Variants in RANBP2 observed in about 807,000 individuals in gnomAD.
The protein encoded by RANBP2 is RAN binding protein 2.
A neutral mutation model predicts 303.6 loss-of-function variants in RANBP2; 57 were observed. The observed-to-expected ratio is 0.19, with a 90% CI of 0.15 to 0.23. RANBP2 has a LOEUF of 0.23. Among genes scored for constraint, RANBP2 ranks in the 10% least tolerant of loss-of-function variants. The pLI is 1.00. For missense variants in RANBP2, 3,138 were observed against 3,780.8 expected (o/e 0.83, Z 4.46); for synonymous variants, 1,167 against 1,301.5 (o/e 0.90, Z 2.23).
chr2:108,930,555 C>T, the RANBP2 span, among the ~76,000 whole-genome samples: 4 of 152,134 alleles, frequency 2.6e-5, no homozygotes, highest in South Asian at 2.1e-4. Flanking sequence ...ATGGAGGAGG[C>T]GCCCCTGTCC....
the RANBP2 span, among the ~76,000 whole-genome samples, chr2:109,709,312 T>TAAAATA: frequency 1.1e-5 from 1 of 90,898 alleles, no homozygotes; most frequent in East Asian, 2.6e-4. Flanking sequence ...GTCTCAAAAA[T>TAAAATA]AAAATAAAAT....
chr2:109,495,128 G>C, the RANBP2 span, among the ~76,000 whole-genome samples: 1 of 152,222 alleles, frequency 6.6e-6, no homozygotes, highest in Non-Finnish European at 1.5e-5. Flanking sequence ...CTCATCTTTA[G>C]GTGTCTGGCA....
chr2:109,658,180 G>C, the RANBP2 span, among the ~76,000 whole-genome samples: 1 of 151,768 alleles, frequency 6.6e-6, no homozygotes, highest in Non-Finnish European at 1.5e-5. Flanking sequence ...CGGGGCGGTG[G>C]CTCATGCCTG....
the RANBP2 span, among the ~76,000 whole-genome samples, chr2:109,277,310 T>C: frequency 5.3e-5 from 8 of 152,194 alleles, no homozygotes. Flanking sequence ...GGTTTGCAGA[T>C]GATGGTTTGA....
chr2:108,847,269 A>G, the RANBP2 span, among the ~76,000 whole-genome samples: 35 of 152,358 alleles, frequency 2.3e-4, no homozygotes, highest in African/African-American at 8.4e-4. Flanking sequence ...GTCCATGGGC[A>G]AAATCTGGCC....
the RANBP2 span, among the ~76,000 whole-genome samples, chr2:109,632,258 A>T: frequency 6.6e-6 from 1 of 152,156 alleles, no homozygotes. Flanking sequence ...CACTTTCCTG[A>T]GTCTGCCAGT....
chr2:109,496,988 C>T, the RANBP2 span, among the ~76,000 whole-genome samples: 18 of 152,294 alleles, frequency 1.2e-4, no homozygotes, highest in East Asian at 3.3e-3. Flanking sequence ...GGGATGAAGG[C>T]AGCTTCTAGC....
At chr2:109,334,403 C>T in the RANBP2 span, among the ~76,000 whole-genome samples, 1 of 150,390 alleles carries the variant, frequency 6.6e-6, no homozygotes, top group South Asian at 2.1e-4. Context: ...AAGACCACCT[C>T]ATCATCAGGG....
At chr2:109,091,847 ACCTCATGGTGGGGTGTCTGTAG>A in the RANBP2 span, among the ~76,000 whole-genome samples, 1 of 152,054 alleles carries the variant, frequency 6.6e-6, no homozygotes, top group African/African-American at 2.4e-5. Context: ...TCTGTCTGTA[ACCTCATGGTGGGGTGTCTGTAG>A]CCCCATTGTG....
At chr2:109,607,741 CCT>C in the RANBP2 span, among the ~76,000 whole-genome samples, 821 of 152,154 alleles carry the variant, frequency 5.4e-3, 5 homozygotes, top group African/African-American at 0.019. Context: ...TCTTTCCTCC[CCT>C]GACTTCTCAC....
the RANBP2 span, among the ~76,000 whole-genome samples, chr2:109,162,732 G>A: frequency 2.6e-5 from 4 of 152,204 alleles, no homozygotes; most frequent in Non-Finnish European, 5.9e-5. Context: ...AATCCTTTGG[G>A]TATATACCCA....
At position 108,779,388 on chromosome 2, in the gene RANBP2, C is replaced by T. The variant is rs565289016; in HGVS notation, c.8600-1881C>T. Among the ~76,000 whole-genome samples the T allele has an allele frequency of 4.6e-5, 7 of 152,246 alleles. No homozygotes were observed. The South Asian group carries it at 1.5e-3, about 32-fold the overall frequency. On this transcript the variant is annotated intron_variant, in intron 25 of 28. Coordinates refer to ENST00000283195, the MANE Select transcript of RANBP2 (RefSeq NM_006267.5). Reference sequence around the variant, plus strand: ...CCATGTTGGCCAGGCTTGTCTCGAACTCCTGACCTCAAGTGACCAGCCCGC... The same window carrying T: ...CCATGTTGGCCAGGCTTGTCTCGAATTCCTGACCTCAAGTGACCAGCCCGC...
At chr2:109,598,994 TA>T in the RANBP2 span, among the ~76,000 whole-genome samples, 3 of 152,210 alleles carry the variant, frequency 2.0e-5, no homozygotes, top group African/African-American at 7.2e-5. Context: ...ACTCATTATT[TA>T]AAATCATTTT....
chr2:109,513,295 C>G, the RANBP2 span, among the ~76,000 whole-genome samples: 3 of 151,568 alleles, frequency 2.0e-5, no homozygotes, highest in Admixed American at 1.3e-4. Context: ...ACACCCCACA[C>G]ATGTACACAT....
chr2:109,590,851 A>C, the RANBP2 span, among the ~76,000 whole-genome samples: 1 of 152,138 alleles, frequency 6.6e-6, no homozygotes, highest in Non-Finnish European at 1.5e-5. Flanking sequence ...AGGAGCTGAC[A>C]ACAACCCCCA....
At chr2:109,155,565 T>C in the RANBP2 span, among the ~76,000 whole-genome samples, 2 of 152,212 alleles carry the variant, frequency 1.3e-5, no homozygotes, top group Non-Finnish European at 2.9e-5. Context: ...CCTCCCAAAG[T>C]GCTGGGATTA....
the RANBP2 span, among the ~76,000 whole-genome samples, chr2:109,213,970 A>G: frequency 6.6e-6 from 1 of 152,198 alleles, no homozygotes; most frequent in Admixed American, 6.5e-5. Context: ...CAGTCCCTGC[A>G]AAAGACCTGT....
the RANBP2 span, among the ~76,000 whole-genome samples, chr2:108,860,157 G>T: frequency 6.6e-6 from 1 of 151,430 alleles, no homozygotes; most frequent in Non-Finnish European, 1.5e-5. Flanking sequence ...TAAATATGTT[G>T]TTTTGATGTA....
chr2:108,798,693 C>T, the RANBP2 span: 28 of 757,274 alleles, frequency 3.7e-5, no homozygotes, highest in East Asian at 6.2e-4. Context: ...TTCCCTTCCT[C>T]CTCCTCTCCA....
Sources: gnomAD v4.1 joint callset for allele counts (sites outside exome capture counted in the v4.1 genomes callset) on GRCh38, gnomAD v4.1.1 for gene constraint, MANE v1.5 for transcripts, NCBI Gene and HGNC (gene_info 2026-07-23, HGNC 2026-07-21) for gene names.